PSD3: variants seen among roughly 807,000 people sequenced by gnomAD.
PSD3 encodes pleckstrin and Sec7 domain containing 3, also known as PH and SEC7 domain-containing protein 3.
PSD3 carries 49 observed loss-of-function variants against 105.5 expected under a neutral mutation model. The observed-to-expected ratio is 0.46, with a 90% CI of 0.37 to 0.59. The LOEUF is 0.59. Ranked by LOEUF, PSD3 falls within the 20% of genes least tolerant of loss-of-function variation. PSD3 has a pLI of 0.00. For synonymous variants in PSD3, 557 were observed against 457.8 expected (o/e 1.22, Z -2.77); for missense variants, 1,561 against 1,263.8 (o/e 1.24, Z -3.57).
chr8:18,647,132 A>C (rs1318810243), intron 10 of PSD3, among the ~76,000 whole-genome samples: 1 of 152,208 alleles, frequency 6.6e-6, no homozygotes, highest in South Asian at 2.1e-4. Context: ...TCTACTTCCT[A>C]ATTTCAGCAA....
chr8:18,872,102 C>T lies in PSD3; in HGVS notation c.762G>A (p.Gly254=). 1.9e-6 allele frequency: 3 copies of T among 1,614,108 alleles called. No homozygotes were observed. The highest frequency in any genetic ancestry group is 1.1e-5 in the South Asian group (1 of 91,068). Residue 254 remains glycine (G), a synonymous_variant, in exon 3 of 16, where the codon GGG becomes GGA. Coordinates refer to ENST00000327040, the MANE Select transcript of PSD3 (RefSeq NM_015310.4). ...QEPSCPLASL[G]SSAVTCHSAG... ...CAGAGTGGCAGGTCACTGCTGAGCT[C>T]CCGAGGGAGGCCAAAGGACAAGATG...
chr8:18,861,492 CCT>C (rs1816445712), intron 4 of PSD3, among the ~76,000 whole-genome samples: 1 of 151,910 alleles, frequency 6.6e-6, no homozygotes, highest in African/African-American at 2.4e-5. Flanking sequence ...CACAAGTAAC[CCT>C]CTCTCTCCTC....
chr8:18,715,358 T>C (rs1802517289), intron 9 of PSD3, among the ~76,000 whole-genome samples: 1 of 152,214 alleles, frequency 6.6e-6, no homozygotes, highest in Non-Finnish European at 1.5e-5. Context: ...TGAAAAGCAT[T>C]GACCTAGATT....
At chr8:18,629,338 C>T (rs1806727763) in intron 11 of PSD3, among the ~76,000 whole-genome samples, 1 of 151,952 alleles carries the variant, frequency 6.6e-6, no homozygotes, top group Admixed American at 6.6e-5. Context: ...AGCAATCTTA[C>T]TCTTTTACTC....
Position 18,900,850 on chromosome 8 carries a change from A to G in PSD3, c.131-28117T>C, listed in dbSNP as rs1819458184. 2.0e-5 allele frequency among the ~76,000 whole-genome samples: 3 copies of G among 152,114 alleles called. No individual in the cohort carries two copies. The South Asian group carries it at 6.2e-4, about 32-fold the overall frequency. On this transcript the variant is annotated intron_variant, in intron 2 of 15. Transcript: ENST00000327040. The stretch of plus-strand genomic sequence containing the variant: ...TTTACTGGACAGATGAATGGTTCAC[A>G]TGGAGCTGTTAGCATCACACAGTGT...
intron 11 of PSD3, among the ~76,000 whole-genome samples, chr8:18,605,459 C>G (rs763145530): frequency 6.6e-6 from 1 of 151,856 alleles, no homozygotes; most frequent in African/African-American, 2.4e-5. Flanking sequence ...GAGTAACTAA[C>G]TTGTTTTTGA....
chr8:18,649,830 T>G (rs1366035656), intron 10 of PSD3, among the ~76,000 whole-genome samples: 1 of 152,176 alleles, frequency 6.6e-6, no homozygotes, highest in Non-Finnish European at 1.5e-5. Context: ...TTTAAAAGTG[T>G]GGCACTTCCA....
intron 10 of PSD3, among the ~76,000 whole-genome samples, chr8:18,654,897 T>C (rs1308275165): frequency 6.6e-6 from 1 of 152,146 alleles, no homozygotes; most frequent in Non-Finnish European, 1.5e-5. Flanking sequence ...GAAATAAACC[T>C]GGAAAGCCAT....
intron 11 of PSD3, among the ~76,000 whole-genome samples, chr8:18,605,703 G>C (rs146761454): frequency 2.0e-5 from 3 of 152,150 alleles, no homozygotes; most frequent in East Asian, 1.9e-4. Flanking sequence ...CCCAGTGTTG[G>C]AGGTGGGGCC....
rs191774995 is a variant in PSD3, at chr8:18,865,875, C to G, written c.1634+1799G>C. On this transcript the variant is annotated intron_variant, in intron 4 of 15. Coordinates refer to ENST00000327040, the MANE Select transcript of PSD3 (RefSeq NM_015310.4). ...AAATACTATGACCTACTCTAATATT[C>G]TCTCCCAACTCTGTCCATCCTCGTG... Among the ~76,000 whole-genome samples, 490 of 152,290 alleles carry G rather than the reference C, an allele frequency of 3.2e-3. 4 individuals carry two copies. Among genetic ancestry groups the G allele is most frequent in the South Asian group, 7.1e-3 (34 of 4,812 alleles).
At chr8:19,045,606 G>T (rs1312212591) in intron 1 of PSD3, among the ~76,000 whole-genome samples, 1 of 152,168 alleles carries the variant, frequency 6.6e-6, no homozygotes, top group South Asian at 2.1e-4. Flanking sequence ...CTCTGGCAAA[G>T]ATTAGATCTC....
chr8:18,799,267 G>T, intron 8 of PSD3, 28 bp downstream of exon 8: 2 of 1,559,734 alleles, frequency 1.3e-6, no homozygotes, highest in East Asian at 2.2e-5. Context: ...ACATGTTTTG[G>T]ATCTAAGTTT....
At chr8:19,017,687 G>A (rs1268212746), upstream of PSD3, among the ~76,000 whole-genome samples, 1 of 152,080 alleles carries the variant, frequency 6.6e-6, no homozygotes, top group African/African-American at 2.4e-5. Flanking sequence ...CTGGCTTCTT[G>A]CACTTATCAT....
chr8:18,708,237 A>C (rs2129420374), intron 9 of PSD3, among the ~76,000 whole-genome samples: 2 of 152,298 alleles, frequency 1.3e-5, no homozygotes, highest in African/African-American at 4.8e-5. Flanking sequence ...AAGACAACAG[A>C]AAAACCTTCC....
chr8:19,039,006 T>G (rs932045690), intron 1 of PSD3, among the ~76,000 whole-genome samples: 3 of 152,208 alleles, frequency 2.0e-5, no homozygotes, highest in African/African-American at 7.2e-5. Flanking sequence ...TCCAGAGCTC[T>G]TAACCACTAA....
chr8:18,706,435 T>C (rs1801902904), intron 9 of PSD3, among the ~76,000 whole-genome samples: 1 of 152,176 alleles, frequency 6.6e-6, no homozygotes, highest in Non-Finnish European at 1.5e-5. Context: ...AACAACAGGA[T>C]AGGTCAACAA....
At chr8:19,049,043 G>C (rs1162210236) in intron 1 of PSD3, among the ~76,000 whole-genome samples, 3 of 152,250 alleles carry the variant, frequency 2.0e-5, no homozygotes, top group Non-Finnish European at 2.9e-5. Context: ...TGCTGGATTA[G>C]GGTCCAATAT....
intron 1 of PSD3, among the ~76,000 whole-genome samples, chr8:19,056,066 T>C (rs1265103063): frequency 6.6e-6 from 1 of 152,268 alleles, no homozygotes; most frequent in Non-Finnish European, 1.5e-5. Flanking sequence ...TAGTGTTAAA[T>C]ACTCTGCCCC....
intron 14 of PSD3, among the ~76,000 whole-genome samples, chr8:18,565,451 C>T (rs1023015566): frequency 1.3e-5 from 2 of 152,192 alleles, no homozygotes; most frequent in African/African-American, 4.8e-5. Context: ...AAGTACCACG[C>T]TGCACTGGCA....
Sources: gnomAD v4.1 joint callset for allele counts (sites outside exome capture counted in the v4.1 genomes callset) on GRCh38, gnomAD v4.1.1 for gene constraint, MANE v1.5 for transcripts, NCBI Gene and HGNC (gene_info 2026-07-23, HGNC 2026-07-21) for gene names.